UBA3: variants seen among roughly 807,000 people sequenced by gnomAD.
UBA3 encodes the protein NEDD8-activating enzyme E1 catalytic subunit.
A neutral mutation model predicts 73.5 loss-of-function variants in UBA3; 26 were observed. The observed-to-expected ratio is 0.35, with a 90% CI of 0.26 to 0.49. The LOEUF (loss-of-function observed/expected upper bound fraction) is 0.49. Among genes scored for constraint, UBA3 ranks in the 20% least tolerant of loss-of-function variants. UBA3 has a pLI of 0.98. For missense variants in UBA3, 495 were observed against 555.6 expected (o/e 0.89, Z 1.10); for synonymous variants, 217 against 191.2 (o/e 1.13, Z -1.11).
At chr3:69,067,486 C>T (rs1294005737) in intron 6 of UBA3, among the ~76,000 whole-genome samples, 4 of 152,070 alleles carry the variant, frequency 2.6e-5, no homozygotes, top group African/African-American at 7.2e-5. Flanking sequence ...TGTAAATACT[C>T]CTTTTTAAAA....
chr3:69,061,796 G>T lies in UBA3; in HGVS notation c.910+18C>A. The T allele has an allele frequency of 6.6e-7, 1 of 1,507,224 alleles. No homozygotes were observed. The highest frequency in any genetic ancestry group is 9.1e-7 in the Non-Finnish European group (1 of 1,100,270). The allele number at this position is 1,507,224 out of a possible 1,614,324, so 93.4% of individuals were successfully genotyped here. A position where few individuals can be genotyped will look rare whatever the true frequency, so the allele number is the denominator to read the frequency against. Reference sequence around the variant, plus strand: ...AAGTCATCCCAACATCATAATTCATGACAATTTGCTGACTTACCTTGAGTG... The same window carrying T: ...AAGTCATCCCAACATCATAATTCATTACAATTTGCTGACTTACCTTGAGTG... On this transcript the variant is annotated intron_variant, in intron 11 of 17. Transcript: ENST00000361055.
At chr3:69,078,821 C>A (rs1417519851) in intron 2 of UBA3, among the ~76,000 whole-genome samples, 2 of 152,146 alleles carry the variant, frequency 1.3e-5, no homozygotes, top group African/African-American at 4.8e-5. Flanking sequence ...GACGGCTTTT[C>A]TTGCCACTAA....
Position 69,055,601 on chromosome 3 carries a change from C to G in UBA3, c.1304-76G>C, listed in dbSNP as rs6549180. 4.6e-6 allele frequency: 5 copies of G among 1,097,418 alleles called. No homozygotes were observed. In the African/African-American group the frequency reaches 8.1e-5, roughly 18 times the overall value. The allele number at this position is 1,097,418 out of a possible 1,614,324, so 68.0% of individuals were successfully genotyped here. On this transcript the variant is annotated intron_variant, in intron 17 of 17. Coordinates refer to ENST00000361055, the MANE Select transcript of UBA3 (RefSeq NM_003968.4). ...GGATAATACACATGTAAACAAACTA[C>G]AGAGTATTACGGTCTAGAAAAACAT...
intron 5 of UBA3, among the ~76,000 whole-genome samples, chr3:69,069,730 A>T (rs1389338261): frequency 6.6e-6 from 1 of 152,250 alleles, no homozygotes; most frequent in Non-Finnish European, 1.5e-5. Context: ...AGGCCCTGTT[A>T]TAAATCAAAG....
intron 9 of UBA3, among the ~76,000 whole-genome samples, chr3:69,062,716 T>A (rs1015165504): frequency 6.6e-6 from 1 of 152,192 alleles, no homozygotes; most frequent in Non-Finnish European, 1.5e-5. Context: ...GACATCAATA[T>A]ACAACTTTGT....
intron 11 of UBA3, among the ~76,000 whole-genome samples, chr3:69,059,599 G>C (rs1319671654): frequency 6.6e-6 from 1 of 152,098 alleles, no homozygotes; most frequent in Non-Finnish European, 1.5e-5. Context: ...AAAGCTCTAA[G>C]GTACAGAAGA....
rs2091969327 is a variant in UBA3, at chr3:69,055,980, T to G, written c.1248+20A>C. ...CTTGATATAATTTTCTGAAAAAAAT[T>G]TAAAATACACATTGATAACCTGTAA... On this transcript the variant is annotated intron_variant, in intron 16 of 17. Transcript: ENST00000361055. 6.2e-7 allele frequency: 1 copy of G among 1,601,492 alleles called. No homozygotes were observed. The highest frequency in any genetic ancestry group is 8.5e-7 in the Non-Finnish European group (1 of 1,175,324).
In UBA3 at chr3:69,057,956, C is replaced by T. The variant is rs369806170; in HGVS notation, c.911-647G>A. On this transcript the variant is annotated intron_variant, in intron 11 of 17. Coordinates refer to ENST00000361055, the MANE Select transcript of UBA3 (RefSeq NM_003968.4). ...TTTTTTTTTTTTTGAGACAGAGTCT[C>T]GCTCTGTCGCCCAGGCTGGAGTGCA... 8.5e-5 allele frequency among the ~76,000 whole-genome samples: 11 copies of T among 129,546 alleles called. No individual in the cohort carries two copies. In the East Asian group the frequency reaches 1.1e-3, roughly 13 times the overall value. The allele number at this position is 129,546 out of a possible 152,430, so 85.0% of individuals were successfully genotyped here.
chr3:69,058,450 T>C (rs1045154976), intron 11 of UBA3, among the ~76,000 whole-genome samples: 1 of 152,160 alleles, frequency 6.6e-6, no homozygotes, highest in Non-Finnish European at 1.5e-5. Flanking sequence ...AGCAAGTAGC[T>C]AAGAAGACAT....
Position 69,078,662 on chromosome 3 carries a change from C to T in UBA3, c.63-744G>A, listed in dbSNP as rs1306850497. On this transcript the variant is annotated intron_variant, in intron 2 of 17. Transcript: ENST00000361055. ...CCAATTTTTGTATTTTTAGTAGAGA[C>T]GGGTTTCGCCATGTTGCACAGGCTG... Among the ~76,000 whole-genome samples, 5 of 151,996 alleles carry T rather than the reference C, an allele frequency of 3.3e-5. No individual in the cohort carries two copies. In the East Asian group the frequency reaches 7.7e-4, roughly 23 times the overall value.
chr3:69,059,014 A>C (rs746031898), intron 11 of UBA3, among the ~76,000 whole-genome samples: 13 of 152,252 alleles, frequency 8.5e-5, no homozygotes, highest in Non-Finnish European at 1.5e-4. Context: ...TAATTCTAAC[A>C]ATTAGCAAAT....
At chr3:69,080,282 C>A (rs1191003668) in intron 1 of UBA3, 52 bp downstream of exon 1, 4 of 1,598,286 alleles carry the variant, frequency 2.5e-6, no homozygotes, top group Non-Finnish European at 3.4e-6. Context: ...CACCGCCGCG[C>A]TCTCTCACAA....
chr3:69,060,862 A>G (rs2107484310), intron 11 of UBA3, among the ~76,000 whole-genome samples: 1 of 152,340 alleles, frequency 6.6e-6, no homozygotes, highest in East Asian at 1.9e-4. Flanking sequence ...CCCTCTCGTC[A>G]TATGACATGC....
At chr3:69,062,638 C>T (rs1559642560) in intron 9 of UBA3, among the ~76,000 whole-genome samples, 1 of 152,186 alleles carries the variant, frequency 6.6e-6, no homozygotes. Context: ...TTGGAAAGAT[C>T]ATTCTTATCC....
chr3:69,060,587 T>C (rs563991709), intron 11 of UBA3, among the ~76,000 whole-genome samples: 1 of 152,194 alleles, frequency 6.6e-6, no homozygotes, highest in African/African-American at 2.4e-5. Context: ...CCAATATGGA[T>C]AGCTGGAATA....
intron 3 of UBA3, among the ~76,000 whole-genome samples, chr3:69,075,950 T>G (rs908637883): frequency 2.6e-5 from 4 of 152,084 alleles, no homozygotes; most frequent in African/African-American, 9.7e-5. Context: ...AGACTGGCCT[T>G]GAACTCCTGA....
At chr3:69,080,004 G>A (rs2092204890) in intron 2 of UBA3, 108 bp downstream of exon 2, 1 of 1,051,758 alleles carries the variant, frequency 9.5e-7, no homozygotes, top group South Asian at 1.5e-5. Flanking sequence ...CTGCGCTCCG[G>A]GTGTCCCCCT....
At chr3:69,079,949 C>A in intron 2 of UBA3, 163 bp downstream of exon 2, 1 of 611,820 alleles carries the variant, frequency 1.6e-6, no homozygotes, top group Non-Finnish European at 2.7e-6. Flanking sequence ...GCCCGCCAGG[C>A]CCCCGGGGCT....
intron 9 of UBA3, 81 bp downstream of exon 9, chr3:69,062,901 A>C (rs1377013137): frequency 6.6e-7 from 1 of 1,510,738 alleles, no homozygotes; most frequent in Non-Finnish European, 8.9e-7. Flanking sequence ...TAACAATCCT[A>C]AATATTAACT....
Sources: gnomAD v4.1 joint callset for allele counts (sites outside exome capture counted in the v4.1 genomes callset) on GRCh38, gnomAD v4.1.1 for gene constraint, MANE v1.5 for transcripts, NCBI Gene and HGNC (gene_info 2026-07-23, HGNC 2026-07-21) for gene names.